Variants in FBXL17 observed in about 807,000 individuals in gnomAD.
The protein encoded by FBXL17 is F-box/LRR-repeat protein 17.
FBXL17 carries 22 observed loss-of-function variants against 66.2 expected under a neutral mutation model. The observed-to-expected ratio is 0.33, with a 90% CI of 0.24 to 0.47. FBXL17 has a LOEUF of 0.47. Among genes scored for constraint, FBXL17 ranks in the 20% least tolerant of loss-of-function variants. The probability of loss-of-function intolerance (pLI) is 1.00; values close to 1 mark genes in which losing one functional copy is unlikely to be tolerated. For synonymous variants in FBXL17, 474 were observed against 400.5 expected, an observed-to-expected ratio of 1.18 and a Z score of -2.19; for missense variants, 878 against 948.2, an observed-to-expected ratio of 0.93 and a Z score of 0.97.
intron 6 of FBXL17, among the ~76,000 whole-genome samples, chr5:108,180,869 T>G (rs1752974407): frequency 6.6e-6 from 1 of 152,184 alleles, no homozygotes; most frequent in Admixed American, 6.5e-5. Context: ...AAGGCTCATA[T>G]ATTTGATAAT....
At chr5:108,049,588 C>G (rs1320099912) in intron 6 of FBXL17, among the ~76,000 whole-genome samples, 1 of 152,086 alleles carries the variant, frequency 6.6e-6, no homozygotes, top group Non-Finnish European at 1.5e-5. Flanking sequence ...CTAAAGGAAG[C>G]TCTAAATATG....
intron 5 of FBXL17, among the ~76,000 whole-genome samples, chr5:108,200,901 T>G (rs953462274): frequency 6.6e-6 from 1 of 152,148 alleles, no homozygotes; most frequent in African/African-American, 2.4e-5. Flanking sequence ...TCTATTGGAC[T>G]CTATTACTGG....
At chr5:107,971,626 C>T (rs1011244536) in intron 7 of FBXL17, among the ~76,000 whole-genome samples, 1 of 151,934 alleles carries the variant, frequency 6.6e-6, no homozygotes, top group South Asian at 2.1e-4. Context: ...CAGAACTGAC[C>T]GTAAATTAGG....
intron 7 of FBXL17, among the ~76,000 whole-genome samples, chr5:107,995,648 A>G: frequency 6.6e-6 from 1 of 152,202 alleles, no homozygotes; most frequent in East Asian, 1.9e-4. Flanking sequence ...TATTTAAAAT[A>G]CTTATTTTGG....
intron 6 of FBXL17, among the ~76,000 whole-genome samples, chr5:108,027,207 T>C (rs2112777584): frequency 6.6e-6 from 1 of 152,310 alleles, no homozygotes; most frequent in South Asian, 2.1e-4. Context: ...TTTAAAAATG[T>C]ATTTTAGACA....
intron 5 of FBXL17, among the ~76,000 whole-genome samples, chr5:108,204,354 C>G (rs1754023482): frequency 6.6e-6 from 1 of 151,998 alleles, no homozygotes; most frequent in African/African-American, 2.4e-5. Flanking sequence ...CCAAACCCAG[C>G]TAATTTTTTG....
intron 7 of FBXL17, among the ~76,000 whole-genome samples, chr5:107,991,431 T>C (rs967677231): frequency 1.3e-5 from 2 of 152,234 alleles, no homozygotes; most frequent in African/African-American, 4.8e-5. Context: ...AGTGAGTCCC[T>C]GTTTCTTAGT....
At chr5:107,932,025 T>C (rs969231156) in intron 7 of FBXL17, among the ~76,000 whole-genome samples, 1 of 152,046 alleles carries the variant, frequency 6.6e-6, no homozygotes, top group African/African-American at 2.4e-5. Context: ...AGATCTGGAG[T>C]GGGGCTCATG....
At chr5:108,263,615 C>A (rs1411388134) in intron 4 of FBXL17, among the ~76,000 whole-genome samples, 1 of 152,100 alleles carries the variant, frequency 6.6e-6, no homozygotes, top group Admixed American at 6.5e-5. Flanking sequence ...CAGTTGTCAG[C>A]AATAAAAATC....
At position 108,151,879 on chromosome 5, in the gene FBXL17, A is replaced by T. The variant is rs114082440; in HGVS notation, c.1745+34238T>A. On this transcript the variant is annotated intron_variant, in intron 6 of 8. Transcript: ENST00000542267. ...ATTCTTTATTCTTAAGAACTTTGAT[A>T]TCAAAGGCAACAAGAATGCTTGAGT... 3.0e-3 allele frequency among the ~76,000 whole-genome samples: 464 copies of T among 152,320 alleles called. 5 individuals carry two copies. Among genetic ancestry groups the T allele is most frequent in the African/African-American group, 0.011 (441 of 41,586 alleles).
chr5:107,993,466 A>T (rs1249824773), intron 7 of FBXL17, among the ~76,000 whole-genome samples: 2 of 152,198 alleles, frequency 1.3e-5, no homozygotes, highest in Non-Finnish European at 2.9e-5. Flanking sequence ...TACTAAATAC[A>T]TATGATTTTC....
Position 107,881,188 on chromosome 5 carries a change from A to C in FBXL17, c.1823-9T>G. The C allele has an allele frequency of 6.5e-7, 1 of 1,547,036 alleles. No individual in the cohort carries two copies. The highest frequency in any genetic ancestry group is 8.9e-7 in the Non-Finnish European group (1 of 1,129,322). ...CCCAATGGCTATCAGTGCTGCAAGA[A>C]GGGACGCAGAGAAAGCATTAATGTT... On this transcript the variant is annotated splice_polypyrimidine_tract_variant and intron_variant, in intron 7 of 8. Transcript: ENST00000542267.
At chr5:108,255,108 A>ACAT (rs1756517836) in intron 4 of FBXL17, among the ~76,000 whole-genome samples, 1 of 152,188 alleles carries the variant, frequency 6.6e-6, no homozygotes, top group Non-Finnish European at 1.5e-5. Context: ...ACACAGACCT[A>ACAT]CATACACATA....
rs190706847 is a variant in FBXL17, at chr5:107,949,765, C to G, written c.1823-68586G>C. ...TTTACAAAATTATTCATTTAATCCT[C>G]ACAACAACTCCAAGAAATAGATACT... On this transcript the variant is annotated intron_variant, in intron 7 of 8. Coordinates refer to ENST00000542267, the MANE Select transcript of FBXL17 (RefSeq NM_001163315.3). 1.3e-3 allele frequency among the ~76,000 whole-genome samples: 193 copies of G among 152,294 alleles called. 2 individuals carry two copies. Among genetic ancestry groups the G allele is most frequent in the African/African-American group, 4.3e-3 (179 of 41,570 alleles).
intron 4 of FBXL17, among the ~76,000 whole-genome samples, chr5:108,330,966 T>C (rs1303321891): frequency 6.6e-6 from 1 of 152,124 alleles, no homozygotes; most frequent in Non-Finnish European, 1.5e-5. Flanking sequence ...GGCAGGACTG[T>C]CGCTTGAACC....
At chr5:108,301,884 C>G in intron 4 of FBXL17, 1 of 264,838 alleles carries the variant, frequency 3.8e-6, no homozygotes, top group Non-Finnish European at 5.8e-6. Context: ...TGATTTTTAA[C>G]TCTGATAACA....
chr5:107,889,926 G>A (rs566403751), intron 7 of FBXL17, among the ~76,000 whole-genome samples: 111 of 152,244 alleles, frequency 7.3e-4, no homozygotes, highest in African/African-American at 2.4e-3. Flanking sequence ...ATATTTAACA[G>A]GAACCTGATC....
intron 6 of FBXL17, among the ~76,000 whole-genome samples, chr5:108,069,170 A>G (rs1055658369): frequency 5.9e-5 from 9 of 152,194 alleles, no homozygotes; most frequent in Non-Finnish European, 1.3e-4. Context: ...GAGAAATAAG[A>G]AAAACTACCC....
rs1348094134 is a variant in FBXL17, at chr5:108,224,125, G to C, written c.1610C>G (p.Thr537Ser). ...SVTSKGVIHL[T>S]KLRNLSSLDL... ...AAAAGCAGCCATAGTACCTACCTTG[G>C]TTAGGTGAATGACTCCTTTAGAAGT... The change falls in exon 5 of 9, where the codon ACC becomes AGC. Residue 537 changes from threonine (T) to serine (S), a missense_variant. By Grantham distance (58) the Thr-to-Ser change is moderately conservative. Around this residue, in one of 4 missense-constraint regions of FBXL17, gnomAD observed 236 missense variants for 389.1 expected, o/e 0.61. Coordinates refer to ENST00000542267, the MANE Select transcript of FBXL17 (RefSeq NM_001163315.3). 2 of 1,574,708 alleles carry C rather than the reference G, an allele frequency of 1.3e-6. No homozygotes were observed. Among genetic ancestry groups the C allele is most frequent in the East Asian group, 2.2e-5 (1 of 44,518 alleles).
Sources: gnomAD v4.1 joint callset for allele counts (sites outside exome capture counted in the v4.1 genomes callset) on GRCh38, gnomAD v4.1.1 for gene constraint, gnomAD v4.1.1 regional missense constraint, MANE v1.5 for transcripts, NCBI Gene and HGNC (gene_info 2026-07-23, HGNC 2026-07-21) for gene names.